PLEKHA8: variants seen among roughly 807,000 people sequenced by gnomAD.
The protein encoded by PLEKHA8 is pleckstrin homology domain-containing family A member 8.
PLEKHA8 carries 36 observed loss-of-function variants against 68.2 expected under a neutral mutation model. The observed-to-expected ratio is 0.53, with a 90% CI of 0.40 to 0.70. PLEKHA8 has a LOEUF of 0.70. Among genes scored for constraint, PLEKHA8 ranks in the 30% least tolerant of loss-of-function variants. PLEKHA8 has a pLI of 0.00. For missense variants in PLEKHA8, 505 were observed against 615.4 expected, an observed-to-expected ratio of 0.82 and a Z score of 1.90; for synonymous variants, 211 against 216.1, an observed-to-expected ratio of 0.98 and a Z score of 0.20.
At chr7:30,037,177 C>T (rs181016976) in intron 1 of PLEKHA8, among the ~76,000 whole-genome samples, 8 of 152,198 alleles carry the variant, frequency 5.3e-5, no homozygotes, top group East Asian at 1.9e-4. Context: ...ATATAGCATA[C>T]ATAATATATG....
rs1356892470 is a variant in PLEKHA8 at position 30,028,800 on chromosome 7, G to A, written c.38G>A (p.Ser13Asn). ...CTGTACAAGTGGACCAACTATCTGA[G>A]CGGTGAGTGGCCGTGCCGGGCCGGG... ...GVLYKWTNYLSGWQPRWFLLC... is the reference protein window; with the variant it reads ...GVLYKWTNYLNGWQPRWFLLC... The change falls in exon 1 of 14, where the codon AGC (serine) becomes AAC (asparagine). Residue 13 changes from serine (S) to asparagine (N), a missense_variant and splice_region_variant. By Grantham distance (46) the Ser-to-Asn change is conservative (BLOSUM62 1). Coordinates refer to ENST00000449726, the MANE Select transcript of PLEKHA8 (RefSeq NM_001197026.2). 2 of 1,270,156 alleles carry A rather than the reference G, an allele frequency of 1.6e-6. No homozygotes were observed. Among genetic ancestry groups the A allele is most frequent in the Non-Finnish European group, 2.0e-6 (2 of 1,002,238 alleles). 78.7% of individuals were successfully genotyped at this position (1,270,156 alleles called of 1,614,324 possible).
At chr7:30,041,624 G>A (rs1439353189) in intron 1 of PLEKHA8, among the ~76,000 whole-genome samples, 1 of 151,902 alleles carries the variant, frequency 6.6e-6, no homozygotes, top group Non-Finnish European at 1.5e-5. Flanking sequence ...TGAACTCCCA[G>A]CCTCAAGCAG....
intron 13 of PLEKHA8, 136 bp downstream of exon 13, chr7:30,074,268 G>GTGTGTGTGTGTGTGTGTA: frequency 1.5e-6 from 1 of 652,468 alleles, no homozygotes; most frequent in Non-Finnish European, 2.6e-6. Context: ...GTGTGTGTGT[G>GTGTGTGTGTGTGTGTGTA]TGTGTATGTG....
intron 13 of PLEKHA8, among the ~76,000 whole-genome samples, chr7:30,096,350 C>G: frequency 6.6e-6 from 1 of 152,142 alleles, no homozygotes; most frequent in Non-Finnish European, 1.5e-5. Context: ...TATAAGAATG[C>G]TTGGGATTTT....
At chr7:30,068,370 C>T (rs906560740) in intron 12 of PLEKHA8, among the ~76,000 whole-genome samples, 1 of 152,228 alleles carries the variant, frequency 6.6e-6, no homozygotes, top group African/African-American at 2.4e-5. Flanking sequence ...CAATACTCCA[C>T]ATTCTTTTTA....
chr7:30,076,453 A>C (rs1794615158), intron 13 of PLEKHA8, among the ~76,000 whole-genome samples: 1 of 152,216 alleles, frequency 6.6e-6, no homozygotes, highest in Non-Finnish European at 1.5e-5. Context: ...AATACTAAGA[A>C]CTACAACCAC....
chr7:30,084,421 T>G lies in PLEKHA8; in HGVS notation c.*5634T>G, dbSNP rs1242087575. The G allele has an allele frequency of 3.0e-6, 3 of 985,204 alleles. No individual in the cohort carries two copies. The highest frequency in any genetic ancestry group is 3.6e-6 in the Non-Finnish European group (3 of 829,854). The allele number at this position is 985,204 out of a possible 1,614,324, so 61.0% of individuals were successfully genotyped here. A position where few individuals can be genotyped will look rare whatever the true frequency, so the allele number is the denominator to read the frequency against. On this transcript the variant is annotated 3_prime_UTR_variant, in exon 14 of 14. Transcript: ENST00000449726. The stretch of plus-strand genomic sequence containing the variant: ...TAAAAGTGTCAAGTGGCTTGTTAAC[T>G]TCTTAATTTAATGGACCTTTACTTA...
chr7:30,060,278 T>C (rs1793332929), intron 9 of PLEKHA8, among the ~76,000 whole-genome samples: 1 of 151,962 alleles, frequency 6.6e-6, no homozygotes. Context: ...CCGTCTCTAC[T>C]GAAAATACAA....
chr7:30,038,831 T>G (rs1320256007), intron 1 of PLEKHA8, among the ~76,000 whole-genome samples: 1 of 152,140 alleles, frequency 6.6e-6, no homozygotes, highest in Non-Finnish European at 1.5e-5. Context: ...GTAATTACTT[T>G]TGGTTTGGAT....
Position 30,078,865 on chromosome 7 carries a change from A to G in PLEKHA8, c.*78A>G. ...GTTGCCCTACTTAATTTCCAGCAACAGCCTCAACCCTCTCCAACCCCTTCA... is the reference window on the plus strand; with the variant it reads ...GTTGCCCTACTTAATTTCCAGCAACGGCCTCAACCCTCTCCAACCCCTTCA... On this transcript the variant is annotated 3_prime_UTR_variant, in exon 14 of 14. Transcript: ENST00000449726. 3 of 1,525,708 alleles carry G rather than the reference A, an allele frequency of 2.0e-6. No homozygotes were observed. In the East Asian group the frequency reaches 7.0e-5, roughly 36 times the overall value. The allele number at this position is 1,525,708 out of a possible 1,614,324, so 94.5% of individuals were successfully genotyped here. A position where few individuals can be genotyped will look rare whatever the true frequency, so the allele number is the denominator to read the frequency against.
intron 1 of PLEKHA8, among the ~76,000 whole-genome samples, chr7:30,041,419 A>ATTT (rs59541222): frequency 9.2e-5 from 11 of 120,184 alleles, no homozygotes; most frequent in African/African-American, 9.2e-5. Context: ...TACCAGCTAC[A>ATTT]TTTTTTTTTT....
At chr7:30,054,051 T>C (rs541334197) in intron 7 of PLEKHA8, among the ~76,000 whole-genome samples, 1 of 152,318 alleles carries the variant, frequency 6.6e-6, no homozygotes, top group East Asian at 1.9e-4. Context: ...CACAGCCTTT[T>C]TGTGGGTAGG....
At position 30,058,306 on chromosome 7, in the gene PLEKHA8, T is replaced by C. The variant is rs529293020; in HGVS notation, c.1040-2578T>C. 3.9e-5 allele frequency among the ~76,000 whole-genome samples: 6 copies of C among 152,226 alleles called. No individual in the cohort carries two copies. The East Asian group carries it at 1.2e-3, about 29-fold the overall frequency. ...GTTTTAAATTTCCATGAAGTCCAGTTTCTTCTTTTATACTTAGTGCTTTTA... is the reference window on the plus strand; with the variant it reads ...GTTTTAAATTTCCATGAAGTCCAGTCTCTTCTTTTATACTTAGTGCTTTTA... On this transcript the variant is annotated intron_variant, in intron 9 of 13. Coordinates refer to ENST00000449726, the MANE Select transcript of PLEKHA8 (RefSeq NM_001197026.2).
At position 30,083,292 on chromosome 7, in the gene PLEKHA8, C is replaced by T. The variant is rs1463409512; in HGVS notation, c.*4505C>T. ...CTTCTGTATGTCCCTTTGTAATCCG[C>T]AGTTGCTTACTCAGGGGTTTCATAG... On this transcript the variant is annotated 3_prime_UTR_variant, in exon 14 of 14. Coordinates refer to ENST00000449726, the MANE Select transcript of PLEKHA8 (RefSeq NM_001197026.2). 5.1e-6 allele frequency: 5 copies of T among 984,556 alleles called. No individual in the cohort carries two copies. The highest frequency in any genetic ancestry group is 6.0e-6 in the Non-Finnish European group (5 of 829,294). The allele number at this position is 984,556 out of a possible 1,614,324, so 61.0% of individuals were successfully genotyped here. A position where few individuals can be genotyped will look rare whatever the true frequency, so the allele number is the denominator to read the frequency against.
exon 13 of PLEKHA8, chr7:30,090,251 G>A (rs989953991): frequency 8.5e-6 from 13 of 1,526,006 alleles, no homozygotes; most frequent in East Asian, 2.5e-5. Context: ...GGCAGAAAAA[G>A]CAAGTCACCA....
chr7:30,055,174 T>A (rs765575976), intron 8 of PLEKHA8, 83 bp from the exon 9 acceptor site: 1 of 1,220,076 alleles, frequency 8.2e-7, no homozygotes, highest in Non-Finnish European at 1.2e-6. Flanking sequence ...GAGAGGCAGC[T>A]GTGTCTATGA....
chr7:30,098,608 C>T (rs901256247), intron 13 of PLEKHA8, among the ~76,000 whole-genome samples: 21 of 152,288 alleles, frequency 1.4e-4, no homozygotes, highest in Admixed American at 3.9e-4. Context: ...AGCGAGGCTC[C>T]GTGGGCGTAG....
Position 30,081,625 on chromosome 7 carries a change from T to A in PLEKHA8, c.*2838T>A, listed in dbSNP as rs182447445. On this transcript the variant is annotated 3_prime_UTR_variant, in exon 14 of 14. Coordinates refer to ENST00000449726, the MANE Select transcript of PLEKHA8 (RefSeq NM_001197026.2). Reference sequence around the variant, plus strand: ...TTACTGTGAGAGGAGGTGAGAAAACTCTAGTATTTTGTTGGCAGAGTAATC... The same window carrying A: ...TTACTGTGAGAGGAGGTGAGAAAACACTAGTATTTTGTTGGCAGAGTAATC... The A allele has an allele frequency of 4.7e-3, 4,646 of 985,260 alleles. 14 individuals carry two copies. Among genetic ancestry groups the A allele is most frequent in the Admixed American group, 8.7e-3 (142 of 16,278 alleles). The allele number at this position is 985,260 out of a possible 1,614,324, so 61.0% of individuals were successfully genotyped here.
chr7:30,040,801 C>T (rs573320080), intron 1 of PLEKHA8, among the ~76,000 whole-genome samples: 1 of 152,182 alleles, frequency 6.6e-6, no homozygotes, highest in South Asian at 2.1e-4. Context: ...CGAGCTAAAA[C>T]TCTCCCCTGC....
Sources: gnomAD v4.1 joint callset for allele counts (sites outside exome capture counted in the v4.1 genomes callset) on GRCh38, gnomAD v4.1.1 for gene constraint, MANE v1.5 for transcripts, NCBI Gene and HGNC (gene_info 2026-07-23, HGNC 2026-07-21) for gene names.